The following MVB12B variants were observed in gnomAD, a reference collection of about 807,000 sequenced individuals.
The protein encoded by MVB12B is multivesicular body subunit 12B.
Under a neutral mutation model 41.6 loss-of-function variants are expected in MVB12B, and 16 were observed. The ratio of observed to expected loss-of-function variants is 0.38; its 90% CI spans 0.26 to 0.58. The LOEUF (loss-of-function observed/expected upper bound fraction) is 0.58, where lower values mean the gene tolerates loss of function less well. Among genes scored for constraint, MVB12B ranks in the 20% least tolerant of loss-of-function variants. MVB12B has a pLI of 0.62. For synonymous variants in MVB12B, 133 were observed against 139.7 expected, an observed-to-expected ratio of 0.95 and a Z score of 0.34; for missense variants, 274 against 380.2, an observed-to-expected ratio of 0.72 and a Z score of 2.32.
At chr9:126,381,464 C>G (rs1196693917) in intron 3 of MVB12B, among the ~76,000 whole-genome samples, 1 of 152,156 alleles carries the variant, frequency 6.6e-6, no homozygotes, top group African/African-American at 2.4e-5. Flanking sequence ...AGCAACAGAT[C>G]ACAGGGTAGT....
intron 2 of MVB12B, among the ~76,000 whole-genome samples, chr9:126,353,911 A>G (rs901513489): frequency 2.6e-5 from 4 of 152,224 alleles, no homozygotes; most frequent in African/African-American, 9.6e-5. Flanking sequence ...TTCAGTAATT[A>G]CTATACCAGG....
chr9:126,490,256 T>A (rs1451540730), intron 9 of MVB12B, among the ~76,000 whole-genome samples: 2 of 152,308 alleles, frequency 1.3e-5, no homozygotes, highest in South Asian at 4.1e-4. Context: ...CCTCATGTCT[T>A]GATTACCTGT....
intron 1 of MVB12B, 136 bp downstream of exon 1, chr9:126,327,146 C>G: frequency 3.3e-6 from 2 of 614,778 alleles, no homozygotes; most frequent in Non-Finnish European, 4.1e-6. Flanking sequence ...CCTGCGGGCT[C>G]CGTGCCCGGC....
chr9:126,425,536 A>G (rs1274157567), intron 7 of MVB12B, among the ~76,000 whole-genome samples: 5 of 152,204 alleles, frequency 3.3e-5, no homozygotes, highest in Non-Finnish European at 4.4e-5. Flanking sequence ...TCATGAGTCT[A>G]TGCTTTCGAA....
chr9:126,351,146 A>T (rs945226288), intron 2 of MVB12B, among the ~76,000 whole-genome samples: 2 of 152,214 alleles, frequency 1.3e-5, no homozygotes, highest in Non-Finnish European at 2.9e-5. Flanking sequence ...GATTTTGAGC[A>T]ATTATAAATG....
chr9:126,364,625 C>G (rs1830114727), intron 2 of MVB12B, among the ~76,000 whole-genome samples: 2 of 152,236 alleles, frequency 1.3e-5, no homozygotes. Flanking sequence ...TGCCACTTTA[C>G]CTTAGACCCA....
chr9:126,405,073 AGAATT>A (rs1281146187), intron 6 of MVB12B, among the ~76,000 whole-genome samples: 2 of 152,228 alleles, frequency 1.3e-5, no homozygotes, highest in African/African-American at 4.8e-5. Flanking sequence ...TATTTAATGA[AGAATT>A]GACGATTCGT....
At chr9:126,425,471 G>T (rs1350453893) in intron 7 of MVB12B, among the ~76,000 whole-genome samples, 20 of 152,106 alleles carry the variant, frequency 1.3e-4, no homozygotes, top group Admixed American at 1.3e-3. Flanking sequence ...TGTGAGTGTG[G>T]CATGTCCTTG....
At chr9:126,335,092 C>A in intron 1 of MVB12B, 1 of 348,140 alleles carries the variant, frequency 2.9e-6, no homozygotes, top group Non-Finnish European at 4.7e-6. Context: ...AGTTCCCGAG[C>A]TGGAAAATTC....
At position 126,333,838 on chromosome 9, in the gene MVB12B, G is replaced by A. The variant is rs1333174500; in HGVS notation, c.82-6670G>A. ...TTTCTCCATGGAAGATTACCTTTAG[G>A]TTCATTCCATCCATCCATCCATCCA... On this transcript the variant is annotated intron_variant, in intron 1 of 9. Transcript: ENST00000361171. This position sits in a 1 kb window ranked among gnomAD's most constrained non-coding sequence, Gnocchi z 4.7. Among the ~76,000 whole-genome samples the A allele has an allele frequency of 7.1e-6, 1 of 139,882 alleles. No homozygotes were observed. The highest frequency in any genetic ancestry group is 1.5e-5 in the Non-Finnish European group (1 of 65,338). 91.8% of individuals were successfully genotyped at this position (139,882 alleles called of 152,430 possible).
Position 126,468,169 on chromosome 9 carries a change from C to G in MVB12B, c.758-13200C>G, listed in dbSNP as rs1833235973. ...AACATTCCTCAGCTCTGTCCCAGGT[C>G]TGCCTCTCTCACCATGTTCCAGAAT... On this transcript the variant is annotated intron_variant, in intron 7 of 9. Transcript: ENST00000361171. The surrounding 1 kb of genome is among the most constrained non-coding windows in gnomAD (Gnocchi z 4.3). Among the ~76,000 whole-genome samples, 1 of 152,098 alleles carries G rather than the reference C, an allele frequency of 6.6e-6. No homozygotes were observed. Among genetic ancestry groups the G allele is most frequent in the Admixed American group, 6.5e-5 (1 of 15,268 alleles).
chr9:126,441,085 G>C (rs574903777), intron 7 of MVB12B, among the ~76,000 whole-genome samples: 1 of 152,198 alleles, frequency 6.6e-6, no homozygotes, highest in African/African-American at 2.4e-5. Flanking sequence ...CATTAGTCAC[G>C]ATGGGAGGTG....
chr9:126,473,670 G>T lies in MVB12B; in HGVS notation c.758-7699G>T, dbSNP rs1370860554. On this transcript the variant is annotated intron_variant, in intron 7 of 9. Coordinates refer to ENST00000361171, the MANE Select transcript of MVB12B (RefSeq NM_033446.3). This position sits in a 1 kb window ranked among gnomAD's most constrained non-coding sequence, Gnocchi z 4.0. ...AACCAGATCTCGCGAGGACTCACTC[G>T]CTATCACAAGGACAGCACCACGGGG... Among the ~76,000 whole-genome samples, 1 of 152,160 alleles carries T rather than the reference G, an allele frequency of 6.6e-6. No homozygotes were observed. Among genetic ancestry groups the T allele is most frequent in the East Asian group, 1.9e-4 (1 of 5,190 alleles).
chr9:126,384,523 A>ATG (rs1318287288), intron 3 of MVB12B, among the ~76,000 whole-genome samples: 1 of 151,644 alleles, frequency 6.6e-6, no homozygotes, highest in Non-Finnish European at 1.5e-5. Context: ...AACTTGATAT[A>ATG]TGTGTGTGTG....
intron 3 of MVB12B, among the ~76,000 whole-genome samples, chr9:126,384,741 C>G (rs533864808): frequency 4.3e-4 from 65 of 151,920 alleles, no homozygotes; most frequent in African/African-American, 1.5e-3. Flanking sequence ...CCATGTTGCC[C>G]AGGCTGGTAT....
chr9:126,493,090 A>C (rs113666109), intron 9 of MVB12B, among the ~76,000 whole-genome samples: 1 of 152,258 alleles, frequency 6.6e-6, no homozygotes, highest in African/African-American at 2.4e-5. Flanking sequence ...GTGTTCTGCT[A>C]TACAAAAGTT....
At chr9:126,365,063 A>AT (rs895164023) in intron 2 of MVB12B, among the ~76,000 whole-genome samples, 11 of 115,126 alleles carry the variant, frequency 9.6e-5, no homozygotes, top group East Asian at 2.7e-4. Flanking sequence ...GTTTTTTGGG[A>AT]TTTTTTTTGA....
chr9:126,496,202 T>TCC (rs1833827931), intron 9 of MVB12B, among the ~76,000 whole-genome samples: 2 of 19,476 alleles, frequency 1.0e-4, no homozygotes, highest in Non-Finnish European at 2.3e-4. Flanking sequence ...CCCACCCACC[T>TCC]ACCCACCCGT....
At chr9:126,499,050 C>T (rs7850531) in intron 9 of MVB12B, among the ~76,000 whole-genome samples, 3,265 of 152,280 alleles carry the variant, frequency 0.021, 78 homozygotes, top group African/African-American at 0.064. Flanking sequence ...CACGAATCGT[C>T]CTAGTTGTGG....
Sources: gnomAD v4.1 joint callset for allele counts (sites outside exome capture counted in the v4.1 genomes callset) on GRCh38, gnomAD v4.1.1 for gene constraint, Gnocchi (gnomAD v3.1) non-coding constraint, MANE v1.5 for transcripts, NCBI Gene and HGNC (gene_info 2026-07-23, HGNC 2026-07-21) for gene names.